The following SORCS3 variants were observed in gnomAD, a reference collection of about 807,000 sequenced individuals.
SORCS3 encodes VPS10 domain-containing receptor SorCS3.
In SORCS3, 57 loss-of-function variants were observed where a neutral mutation model predicts 146.3. The observed-to-expected ratio is 0.39, with a 90% confidence interval of 0.31 to 0.49. The LOEUF is 0.49. Among genes scored for constraint, SORCS3 ranks in the 20% least tolerant of loss-of-function variants. The probability of loss-of-function intolerance (pLI) is 0.92; values close to 1 mark genes in which losing one functional copy is unlikely to be tolerated. For synonymous variants in SORCS3, 653 were observed against 618.5 expected, an observed-to-expected ratio of 1.06 and a Z score of -0.83; for missense variants, 1,341 against 1,575.5, an observed-to-expected ratio of 0.85 and a Z score of 2.52.
At chr10:105,196,774 G>T (rs1017513117) in intron 14 of SORCS3, among the ~76,000 whole-genome samples, 10 of 152,204 alleles carry the variant, frequency 6.6e-5, no homozygotes, top group Non-Finnish European at 1.2e-4. Flanking sequence ...CTGCAGTTTG[G>T]GTAGATGAAA....
intron 1 of SORCS3, among the ~76,000 whole-genome samples, chr10:104,802,676 A>T (rs2017637203): frequency 6.6e-6 from 1 of 152,236 alleles, no homozygotes; most frequent in Admixed American, 6.5e-5. Flanking sequence ...AAAATGAAAC[A>T]TAAACAGAAT....
At chr10:105,182,426 G>C (rs535128295) in intron 14 of SORCS3, among the ~76,000 whole-genome samples, 4 of 151,930 alleles carry the variant, frequency 2.6e-5, no homozygotes, top group African/African-American at 9.7e-5. Flanking sequence ...CAAGCTCCAG[G>C]CTTGAAGGTA....
intron 1 of SORCS3, among the ~76,000 whole-genome samples, chr10:104,704,169 C>CTTT (rs10694540): frequency 4.9e-4 from 68 of 137,744 alleles, no homozygotes; most frequent in Admixed American, 2.4e-3. Context: ...CCTTCTATGA[C>CTTT]TTTTTTTTTT....
At chr10:104,706,468 A>G (rs2016339520) in intron 1 of SORCS3, among the ~76,000 whole-genome samples, 1 of 151,884 alleles carries the variant, frequency 6.6e-6, no homozygotes, top group Admixed American at 6.6e-5. Context: ...CGGCCTCCCA[A>G]AGTGCTGGGA....
At chr10:104,885,987 T>C (rs185304897) in intron 2 of SORCS3, among the ~76,000 whole-genome samples, 1 of 152,298 alleles carries the variant, frequency 6.6e-6, no homozygotes, top group East Asian at 1.9e-4. Context: ...AAATACATTT[T>C]ATATAGGTAA....
At chr10:104,867,137 C>G (rs1176771007) in intron 2 of SORCS3, among the ~76,000 whole-genome samples, 1 of 151,890 alleles carries the variant, frequency 6.6e-6, no homozygotes, top group East Asian at 1.9e-4. Flanking sequence ...CACAATAAGC[C>G]AGGTAATAAC....
chr10:105,060,151 G>A (rs1428750043), intron 5 of SORCS3, among the ~76,000 whole-genome samples: 1 of 152,102 alleles, frequency 6.6e-6, no homozygotes, highest in East Asian at 1.9e-4. Flanking sequence ...ATTTGAGGGG[G>A]GTTTGAAAGA....
chr10:104,786,863 T>G (rs1235438692), intron 1 of SORCS3, among the ~76,000 whole-genome samples: 1 of 152,188 alleles, frequency 6.6e-6, no homozygotes, highest in Non-Finnish European at 1.5e-5. Flanking sequence ...TTAAGAACAC[T>G]GTAGGAAACC....
At chr10:105,128,002 C>T (rs1363925172) in intron 7 of SORCS3, among the ~76,000 whole-genome samples, 1 of 152,146 alleles carries the variant, frequency 6.6e-6, no homozygotes, top group Non-Finnish European at 1.5e-5. Flanking sequence ...TGGTCATTGT[C>T]AGGGTTTAGA....
chr10:104,870,492 C>A (rs1297062594), intron 2 of SORCS3, among the ~76,000 whole-genome samples: 1 of 151,932 alleles, frequency 6.6e-6, no homozygotes, highest in Non-Finnish European at 1.5e-5. Flanking sequence ...AAGGTAACAC[C>A]TAAAACTGCC....
chr10:105,008,175 C>A (rs1261623033), intron 4 of SORCS3, among the ~76,000 whole-genome samples: 4 of 152,166 alleles, frequency 2.6e-5, no homozygotes, highest in Non-Finnish European at 4.4e-5. Flanking sequence ...ATATCTCCAT[C>A]TTAGCATTAA....
intron 3 of SORCS3, among the ~76,000 whole-genome samples, chr10:104,935,335 G>C (rs1001607219): frequency 6.6e-6 from 1 of 152,172 alleles, no homozygotes; most frequent in Non-Finnish European, 1.5e-5. Context: ...CAGATTTGGA[G>C]TCTGTTTCAT....
At chr10:104,985,615 A>G (rs2054957694) in intron 4 of SORCS3, among the ~76,000 whole-genome samples, 1 of 152,156 alleles carries the variant, frequency 6.6e-6, no homozygotes. Context: ...ATCACTGTCT[A>G]TGGCAGCTAT....
Position 104,832,750 on chromosome 10 carries a change from T to TAAAC in SORCS3, c.628-10042_628-10041insAAAC, listed in dbSNP as rs58541807. 4.7e-3 allele frequency among the ~76,000 whole-genome samples: 708 copies of TAAAC among 151,850 alleles called. 3 individuals are homozygous for TAAAC. The highest frequency in any genetic ancestry group is 7.1e-3 in the Non-Finnish European group (485 of 67,924). On this transcript the variant is annotated intron_variant, in intron 1 of 26. Coordinates refer to ENST00000369701, the MANE Select transcript of SORCS3 (RefSeq NM_014978.3). ...ATAAATAAATAAATAAATAAATAAATGAACGAACGAACAGGTGTTTTGCCT... is the reference window on the plus strand; with the variant it reads ...ATAAATAAATAAATAAATAAATAAATAAACGAACGAACGAACAGGTGTTTTGCCT...
intron 2 of SORCS3, among the ~76,000 whole-genome samples, chr10:104,844,051 A>G (rs2496010): frequency 0.83 from 127,072 of 152,212 alleles, 53,518 homozygotes; most frequent in East Asian, 0.97. Flanking sequence ...TCTCTCCAGG[A>G]AAGAGGGAGC....
chr10:104,911,370 T>C (rs181567218), intron 2 of SORCS3, among the ~76,000 whole-genome samples: 275 of 152,330 alleles, frequency 1.8e-3, no homozygotes, highest in Non-Finnish European at 3.0e-3. Context: ...GAGGGTGTCC[T>C]TTGTTGGGCA....
chr10:105,075,387 T>C (rs1328340585), intron 5 of SORCS3, among the ~76,000 whole-genome samples: 1 of 152,188 alleles, frequency 6.6e-6, no homozygotes, highest in Non-Finnish European at 1.5e-5. Context: ...GAACATGCTC[T>C]GTGAAATACC....
chr10:104,800,802 A>G (rs757018399), intron 1 of SORCS3, among the ~76,000 whole-genome samples: 6 of 152,192 alleles, frequency 3.9e-5, no homozygotes, highest in Non-Finnish European at 7.3e-5. Flanking sequence ...AAACACATGG[A>G]TGGCTAAGAA....
chr10:104,695,569 C>A (rs1467108821), intron 1 of SORCS3, among the ~76,000 whole-genome samples: 1 of 151,950 alleles, frequency 6.6e-6, no homozygotes, highest in Non-Finnish European at 1.5e-5. Context: ...GAGTTCCATT[C>A]CTCAGAGGTA....
Sources: gnomAD v4.1 joint callset for allele counts (sites outside exome capture counted in the v4.1 genomes callset) on GRCh38, gnomAD v4.1.1 for gene constraint, MANE v1.5 for transcripts, NCBI Gene and HGNC (gene_info 2026-07-23, HGNC 2026-07-21) for gene names.